The following RILPL1 variants were observed in gnomAD, a reference collection of about 807,000 sequenced individuals.
RILPL1 encodes the protein RILP-like protein 1.
RILPL1 carries 33 observed loss-of-function variants against 50.3 expected under a neutral mutation model. That is an observed-to-expected ratio of 0.66 (90% CI 0.50 to 0.88). RILPL1 has a LOEUF of 0.88. Among genes scored for constraint, RILPL1 ranks in the 40% least tolerant of loss-of-function variants. The probability of loss-of-function intolerance (pLI) is 0.00; values close to 1 mark genes in which losing one functional copy is unlikely to be tolerated. For missense variants in RILPL1, 418 were observed against 542.5 expected (o/e 0.77, Z 2.28); for synonymous variants, 205 against 228.6 (o/e 0.90, Z 0.93).
At chr12:123,512,742 T>A (rs1884425126) in intron 2 of RILPL1, among the ~76,000 whole-genome samples, 1 of 121,112 alleles carries the variant, frequency 8.3e-6, no homozygotes, top group Non-Finnish European at 1.7e-5. Context: ...GTGTGTGAAG[T>A]TTGTGTGTGT....
chr12:123,513,831 T>C (rs112466585), intron 2 of RILPL1: 1 of 152,116 alleles, frequency 6.6e-6, no homozygotes, highest in Non-Finnish European at 1.5e-5. Flanking sequence ...GACCTAGATT[T>C]TAAGAGACAC....
chr12:123,504,645 G>C (rs1263461232), intron 2 of RILPL1, among the ~76,000 whole-genome samples: 8 of 152,128 alleles, frequency 5.3e-5, no homozygotes, highest in African/African-American at 1.2e-4. Context: ...AGCCCAGGAA[G>C]GATAAACTGC....
chr12:123,528,358 C>A (rs867376474), intron 1 of RILPL1, among the ~76,000 whole-genome samples: 171 of 130,234 alleles, frequency 1.3e-3, no homozygotes, highest in South Asian at 1.4e-3. Context: ...GATGCTGTCT[C>A]AAAAAAAAAA....
chr12:123,529,361 G>C (rs1184952770), intron 1 of RILPL1, among the ~76,000 whole-genome samples: 1 of 151,852 alleles, frequency 6.6e-6, no homozygotes, highest in East Asian at 1.9e-4. Context: ...ATATGATCTC[G>C]GCTCAACGCA....
intron 1 of RILPL1, among the ~76,000 whole-genome samples, chr12:123,525,700 C>CAAA (rs1207503097): frequency 0.047 from 2,111 of 44,710 alleles, 107 homozygotes; most frequent in East Asian, 0.23. Flanking sequence ...GACACTGTCT[C>CAAA]AAAAAAAAAA....
At position 123,522,888 on chromosome 12, in the gene RILPL1, C is replaced by T. The variant is rs758480816; in HGVS notation, c.460+607G>A. Reference sequence around the variant, plus strand: ...GATCACAGGTGTGAGCCACTGCGCGCGGCCTACACCGGCCTTCTTGGTTTC... The same window carrying T: ...GATCACAGGTGTGAGCCACTGCGCGTGGCCTACACCGGCCTTCTTGGTTTC... On this transcript the variant is annotated intron_variant, in intron 2 of 6. Transcript: ENST00000376874. The surrounding 1 kb of genome is among the most constrained non-coding windows in gnomAD (Gnocchi z 4.0). Among the ~76,000 whole-genome samples, 4 of 152,194 alleles carry T rather than the reference C, an allele frequency of 2.6e-5. No homozygotes were observed. Among genetic ancestry groups the T allele is most frequent in the Non-Finnish European group, 2.9e-5 (2 of 68,038 alleles).
intron 3 of RILPL1, among the ~76,000 whole-genome samples, chr12:123,499,108 C>A (rs1883205951): frequency 6.6e-6 from 1 of 152,188 alleles, no homozygotes; most frequent in South Asian, 2.1e-4. Flanking sequence ...TAAGTCTGCT[C>A]ACAGAGAGGC....
At position 123,533,485 on chromosome 12, in the gene RILPL1, C is replaced by A; in HGVS notation, c.-3G>T. 1.3e-6 allele frequency: 2 copies of A among 1,521,178 alleles called. No individual in the cohort carries two copies. The highest frequency in any genetic ancestry group is 2.4e-5 in the South Asian group (2 of 82,552). The allele number at this position is 1,521,178 out of a possible 1,614,324, so 94.2% of individuals were successfully genotyped here. A position where few individuals can be genotyped will look rare whatever the true frequency, so the allele number is the denominator to read the frequency against. ...GCCGACCCCCGCTCCTCCTCCATGGCCACCCTCCTGGCCTGTCCCCCGCCC... is the reference window on the plus strand; with the variant it reads ...GCCGACCCCCGCTCCTCCTCCATGGACACCCTCCTGGCCTGTCCCCCGCCC... On this transcript the variant is annotated 5_prime_UTR_variant, in exon 1 of 7. Transcript: ENST00000376874. The surrounding 1 kb of genome is among the most constrained non-coding windows in gnomAD (Gnocchi z 6.2).
intron 2 of RILPL1, among the ~76,000 whole-genome samples, chr12:123,508,163 G>A (rs1009897487): frequency 3.9e-5 from 6 of 152,128 alleles, no homozygotes; most frequent in African/African-American, 1.4e-4. Context: ...GGGGGCCAAG[G>A]CAGAAGGATC....
At chr12:123,492,456 G>A (rs1279941950) in intron 4 of RILPL1, among the ~76,000 whole-genome samples, 1 of 152,160 alleles carries the variant, frequency 6.6e-6, no homozygotes, top group Non-Finnish European at 1.5e-5. Context: ...GCAGGAGCAG[G>A]GATTTCTGAT....
rs755423194 is a variant in RILPL1 at position 123,485,682 on chromosome 12, G to C, written c.925C>G (p.Leu309Val). The C allele has an allele frequency of 6.2e-7, 1 of 1,613,850 alleles. No individual in the cohort carries two copies. Among genetic ancestry groups the C allele is most frequent in the Non-Finnish European group, 8.5e-7 (1 of 1,179,810 alleles). ...LRDVLHERNELKSKVFLLQEE... is the reference protein window; with the variant it reads ...LRDVLHERNEVKSKVFLLQEE... Reference sequence around the variant, plus strand: ...TGCAGCAAGAACACCTTGGACTTGAGCTCGTTCCTCTCGTGCAGCACGTCC... The same window carrying C: ...TGCAGCAAGAACACCTTGGACTTGACCTCGTTCCTCTCGTGCAGCACGTCC... Residue 309 changes from leucine to valine, a missense_variant, in exon 5 of 7, where the codon CTC becomes GTC. Physicochemically the swap from Leu to Val is conservative, Grantham distance 32. Transcript: ENST00000376874. The surrounding 1 kb of genome is among the most constrained non-coding windows in gnomAD (Gnocchi z 4.0).
chr12:123,501,536 C>T (rs1014548510), intron 2 of RILPL1, among the ~76,000 whole-genome samples: 8 of 152,028 alleles, frequency 5.3e-5, no homozygotes, highest in East Asian at 3.9e-4. Context: ...CCGAGGTGGG[C>T]GGATCACAAG....
chr12:123,500,225 C>T (rs573095915), intron 2 of RILPL1, among the ~76,000 whole-genome samples: 9 of 150,356 alleles, frequency 6.0e-5, no homozygotes, highest in East Asian at 2.0e-4. Flanking sequence ...CCACCGCGCC[C>T]GGCCTCATGT....
At chr12:123,511,130 A>ATG (rs1196927981) in intron 2 of RILPL1, among the ~76,000 whole-genome samples, 9 of 35,912 alleles carry the variant, frequency 2.5e-4, no homozygotes, top group Admixed American at 8.7e-4. Flanking sequence ...TGTGAGGTCT[A>ATG]TGTGTGTGTG....
At position 123,472,502 on chromosome 12, in the gene RILPL1, G is replaced by T; in HGVS notation, c.*36C>A. The stretch of plus-strand genomic sequence containing the variant: ...CAGTTCGGTTGCAGGCGCTGGTGGC[G>T]GGCAGTCCAGGTTGGAGGGTGGAGA... On this transcript the variant is annotated 3_prime_UTR_variant, in exon 7 of 7. Transcript: ENST00000376874. 6.5e-7 allele frequency: 1 copy of T among 1,548,878 alleles called. No homozygotes were observed. Among genetic ancestry groups the T allele is most frequent in the South Asian group, 1.2e-5 (1 of 83,942 alleles).
At chr12:123,503,438 C>T (rs1242300875) in intron 2 of RILPL1, among the ~76,000 whole-genome samples, 1 of 151,198 alleles carries the variant, frequency 6.6e-6, no homozygotes, top group Non-Finnish European at 1.5e-5. Flanking sequence ...TGACCTCAAG[C>T]GATCCACTCG....
intron 4 of RILPL1, among the ~76,000 whole-genome samples, chr12:123,490,407 C>A (rs1328504972): frequency 4.6e-5 from 7 of 152,130 alleles, no homozygotes; most frequent in Admixed American, 4.6e-4. Flanking sequence ...CACACACTTT[C>A]AAAGCCACAG....
chr12:123,513,037 G>GGT (rs557131210), intron 2 of RILPL1, among the ~76,000 whole-genome samples: 5 of 137,794 alleles, frequency 3.6e-5, no homozygotes, highest in African/African-American at 1.2e-4. Flanking sequence ...AGGTCTGTGT[G>GGT]GTGTGTGAGG....
At chr12:123,521,826 G>A (rs1180300213) in intron 2 of RILPL1, among the ~76,000 whole-genome samples, 1 of 150,778 alleles carries the variant, frequency 6.6e-6, no homozygotes, top group Non-Finnish European at 1.5e-5. Flanking sequence ...AGGCTGGAGT[G>A]CAGTGCTGCG....
Sources: allele counts gnomAD v4.1 joint callset (sites outside exome capture counted in the v4.1 genomes callset), GRCh38; gene constraint gnomAD v4.1.1; non-coding constraint Gnocchi (gnomAD v3.1); transcripts MANE v1.5; gene names NCBI Gene and HGNC (gene_info 2026-07-23, HGNC 2026-07-21).